Variants in CCSER1 observed in about 807,000 individuals in gnomAD.
The protein encoded by CCSER1 is coiled-coil serine rich protein 1, also known as serine-rich coiled-coil domain-containing protein 1.
A neutral mutation model predicts 82.0 loss-of-function variants in CCSER1; 41 were observed. That is an observed-to-expected ratio of 0.50 (90% confidence interval 0.39 to 0.65). CCSER1 has a LOEUF of 0.65. CCSER1 is among the 30% of genes least tolerant of loss of function. CCSER1 has a pLI of 0.00. For missense variants in CCSER1, 1,119 were observed against 1,064.2 expected (o/e 1.05, Z -0.72); for synonymous variants, 414 against 383.9 (o/e 1.08, Z -0.92).
chr4:90,628,539 C>G (rs1208301530), intron 6 of CCSER1, among the ~76,000 whole-genome samples: 4 of 152,110 alleles, frequency 2.6e-5, no homozygotes, highest in Non-Finnish European at 5.9e-5. Flanking sequence ...TGGTTACATG[C>G]TATTATAAAG....
At chr4:90,306,275 G>A (rs1185018306) in intron 1 of CCSER1, among the ~76,000 whole-genome samples, 2 of 152,058 alleles carry the variant, frequency 1.3e-5, no homozygotes, top group African/African-American at 4.8e-5. Context: ...AGGTTGATTC[G>A]ACAGCATGGT....
chr4:90,236,246 A>G (rs1026520471), intron 1 of CCSER1, among the ~76,000 whole-genome samples: 1 of 152,216 alleles, frequency 6.6e-6, no homozygotes. Flanking sequence ...AGAATTTTTA[A>G]CTGGAGGAAA....
intron 3 of CCSER1, among the ~76,000 whole-genome samples, chr4:90,359,853 GTATA>G (rs1386796974): frequency 6.7e-6 from 1 of 149,364 alleles, no homozygotes; most frequent in South Asian, 2.1e-4. Context: ...ATATATGTGT[GTATA>G]TATATGTGTA....
At chr4:90,153,430 T>C (rs1727308672) in intron 1 of CCSER1, among the ~76,000 whole-genome samples, 1 of 152,108 alleles carries the variant, frequency 6.6e-6, no homozygotes, top group Non-Finnish European at 1.5e-5. Flanking sequence ...CAAATGGTAT[T>C]TCTAGTTCTA....
At chr4:90,752,822 T>C (rs1748889956) in intron 7 of CCSER1, among the ~76,000 whole-genome samples, 1 of 152,114 alleles carries the variant, frequency 6.6e-6, no homozygotes, top group Non-Finnish European at 1.5e-5. Flanking sequence ...CATGGATGGC[T>C]ACCAGGAATC....
chr4:90,356,225 G>GT (rs1459190145), intron 3 of CCSER1, among the ~76,000 whole-genome samples: 1 of 151,660 alleles, frequency 6.6e-6, no homozygotes, highest in African/African-American at 2.4e-5. Flanking sequence ...TAGCTATACT[G>GT]TTTTATAACG....
intron 9 of CCSER1, among the ~76,000 whole-genome samples, chr4:90,929,120 A>C (rs1729417217): frequency 6.6e-6 from 1 of 152,054 alleles, no homozygotes; most frequent in Non-Finnish European, 1.5e-5. Context: ...AGTTGGATTT[A>C]TATGCTTTAA....
At chr4:91,229,989 CTTAAAG>C (rs1001001192) in intron 10 of CCSER1, among the ~76,000 whole-genome samples, 7 of 152,082 alleles carry the variant, frequency 4.6e-5, no homozygotes, top group South Asian at 2.1e-4. Context: ...AATCCCAGAA[CTTAAAG>C]TTAAAAAAAA....
At chr4:90,900,099 T>TTTTTTTTTG (rs966205825) in intron 8 of CCSER1, among the ~76,000 whole-genome samples, 5 of 148,894 alleles carry the variant, frequency 3.4e-5, no homozygotes, top group Admixed American at 6.7e-5. Context: ...CCAGAGTTTT[T>TTTTTTTTTG]TTTTTTTTTT....
At chr4:90,963,954 G>T (rs1734290906) in intron 9 of CCSER1, among the ~76,000 whole-genome samples, 1 of 152,090 alleles carries the variant, frequency 6.6e-6, no homozygotes, top group Non-Finnish European at 1.5e-5. Flanking sequence ...AATTTCTGGG[G>T]TAGAAAAACA....
At chr4:90,785,243 G>T (rs1376446933) in intron 7 of CCSER1, among the ~76,000 whole-genome samples, 1 of 152,028 alleles carries the variant, frequency 6.6e-6, no homozygotes, top group Non-Finnish European at 1.5e-5. Flanking sequence ...TCACCATGTT[G>T]TCCAGGCTGG....
At chr4:90,294,405 A>G (rs984412647) in intron 1 of CCSER1, among the ~76,000 whole-genome samples, 3 of 151,944 alleles carry the variant, frequency 2.0e-5, no homozygotes, top group Non-Finnish European at 4.4e-5. Flanking sequence ...TAGCACTTCC[A>G]TATGTTTTAT....
chr4:90,933,100 GAAAC>G (rs1216554052), intron 9 of CCSER1, among the ~76,000 whole-genome samples: 2 of 146,376 alleles, frequency 1.4e-5, no homozygotes, highest in Non-Finnish European at 3.0e-5. Context: ...AAGAAAGAAA[GAAAC>G]AATGTTGTTC....
chr4:91,491,557 C>G (rs183883122), intron 10 of CCSER1, among the ~76,000 whole-genome samples: 1 of 152,148 alleles, frequency 6.6e-6, no homozygotes, highest in East Asian at 1.9e-4. Flanking sequence ...TGGTTGGCCA[C>G]AGCATAGGTA....
At chr4:90,249,138 C>T (rs1578745029) in intron 1 of CCSER1, among the ~76,000 whole-genome samples, 1 of 152,008 alleles carries the variant, frequency 6.6e-6, no homozygotes, top group Non-Finnish European at 1.5e-5. Context: ...TACTGTATTC[C>T]ACAGCCCTAC....
At chr4:91,557,808 A>T (rs751037911) in intron 10 of CCSER1, among the ~76,000 whole-genome samples, 1 of 151,436 alleles carries the variant, frequency 6.6e-6, no homozygotes, top group Non-Finnish European at 1.5e-5. Context: ...GCAGTCATTG[A>T]CAGTTGTTAT....
intron 10 of CCSER1, among the ~76,000 whole-genome samples, chr4:91,145,147 G>T (rs1729420298): frequency 6.6e-6 from 1 of 152,016 alleles, no homozygotes; most frequent in African/African-American, 2.4e-5. Flanking sequence ...TCCAAAACTG[G>T]GTACATATGT....
chr4:91,014,924 G>GTTGA, intron 9 of CCSER1, among the ~76,000 whole-genome samples: 2 of 83,198 alleles, frequency 2.4e-5, no homozygotes, highest in Middle Eastern at 6.8e-3. Context: ...AGTTTGGAGA[G>GTTGA]AATCAAACCC....
At chr4:90,574,490 G>A (rs1322348178) in intron 5 of CCSER1, among the ~76,000 whole-genome samples, 1 of 150,488 alleles carries the variant, frequency 6.6e-6, no homozygotes, top group African/African-American at 2.4e-5. Flanking sequence ...GGATGGTCTC[G>A]ATCTCCTGAC....
Sources: allele counts gnomAD v4.1 joint callset (sites outside exome capture counted in the v4.1 genomes callset), GRCh38; gene constraint gnomAD v4.1.1; transcripts MANE v1.5; gene names NCBI Gene and HGNC (gene_info 2026-07-23, HGNC 2026-07-21).